The following ROBO1 variants were observed in gnomAD, a reference collection of about 807,000 sequenced individuals.
The protein encoded by ROBO1 is roundabout guidance receptor 1.
A neutral mutation model predicts 195.9 loss-of-function variants in ROBO1; 149 were observed. That is an observed-to-expected ratio of 0.76 (90% CI 0.67 to 0.87). The LOEUF (loss-of-function observed/expected upper bound fraction) is 0.87. ROBO1 is among the 40% of genes least tolerant of loss of function. ROBO1 has a pLI of 0.00. For missense variants in ROBO1, 1,933 were observed against 2,068.3 expected (o/e 0.93, Z 1.27); for synonymous variants, 816 against 733.2 (o/e 1.11, Z -1.82).
At chr3:79,168,251 C>T (rs1282482734) in intron 2 of ROBO1, among the ~76,000 whole-genome samples, 2 of 152,104 alleles carry the variant, frequency 1.3e-5, no homozygotes, top group Non-Finnish European at 2.9e-5. Flanking sequence ...CTTTAGTCAT[C>T]GCCCTGCTAA....
intron 2 of ROBO1, among the ~76,000 whole-genome samples, chr3:79,237,661 A>C (rs891710017): frequency 6.6e-6 from 1 of 152,164 alleles, no homozygotes. Context: ...CGGTCACTCT[A>C]TCCGAGTCAT....
At chr3:79,532,426 T>C (rs1356928478) in intron 2 of ROBO1, among the ~76,000 whole-genome samples, 1 of 152,150 alleles carries the variant, frequency 6.6e-6, no homozygotes, top group Admixed American at 6.5e-5. Flanking sequence ...AAATTTAAAT[T>C]CAATTATGAA....
At chr3:79,590,522 T>C (rs1207150903) in intron 1 of ROBO1, among the ~76,000 whole-genome samples, 1 of 151,782 alleles carries the variant, frequency 6.6e-6, no homozygotes, top group African/African-American at 2.4e-5. Flanking sequence ...GCTAGTGTCC[T>C]TGTAAAAAAA....
At chr3:79,624,286 CA>C (rs1477655158) in intron 1 of ROBO1, among the ~76,000 whole-genome samples, 1 of 152,094 alleles carries the variant, frequency 6.6e-6, no homozygotes, top group East Asian at 1.9e-4. Context: ...GAAACGGCAT[CA>C]ACTAATGTGC....
chr3:79,199,844 T>C (rs1309155420), intron 2 of ROBO1, among the ~76,000 whole-genome samples: 2 of 151,824 alleles, frequency 1.3e-5, no homozygotes, highest in African/African-American at 2.4e-5. Flanking sequence ...AACTTTTTTA[T>C]GGCGATGGTA....
chr3:79,646,467 T>C (rs1174859629), intron 1 of ROBO1, among the ~76,000 whole-genome samples: 4 of 152,056 alleles, frequency 2.6e-5, no homozygotes, highest in East Asian at 3.9e-4. Context: ...GGAATGTAAA[T>C]TAGAACAATT....
At position 79,710,615 on chromosome 3, in the gene ROBO1, T is replaced by C. The variant is rs916697557; in HGVS notation, c.-51+57137A>G. Among the ~76,000 whole-genome samples the C allele has an allele frequency of 5.3e-5, 8 of 152,148 alleles. No individual in the cohort carries two copies. In the East Asian group the frequency reaches 1.4e-3, roughly 26 times the overall value. ...CCCTGAAGGAAGGTTTGAGACAGCA[T>C]AATAATGTGCAAGGCAATTGGTAAG... On this transcript the variant is annotated intron_variant, in intron 1 of 30. Transcript: ENST00000464233.
At chr3:79,297,983 A>T (rs1317390825) in intron 2 of ROBO1, among the ~76,000 whole-genome samples, 1 of 152,096 alleles carries the variant, frequency 6.6e-6, no homozygotes, top group East Asian at 1.9e-4. Flanking sequence ...CTCTTTTCTA[A>T]AGAGAAAGTT....
At chr3:79,646,088 G>A (rs112922203) in intron 1 of ROBO1, among the ~76,000 whole-genome samples, 2 of 152,130 alleles carry the variant, frequency 1.3e-5, no homozygotes, top group African/African-American at 4.8e-5. Context: ...ATGGCATTAT[G>A]TCAAGCTAAA....
intron 2 of ROBO1, among the ~76,000 whole-genome samples, chr3:79,580,730 G>A (rs559529176): frequency 2.6e-5 from 4 of 151,886 alleles, no homozygotes; most frequent in Non-Finnish European, 4.4e-5. Context: ...ATGTATTTAC[G>A]TAAGTATGTG....
chr3:78,670,256 T>G lies in ROBO1; in HGVS notation c.1388A>C (p.Asn463Thr). 1 of 1,588,754 alleles carries G rather than the reference T, an allele frequency of 6.3e-7. No homozygotes were observed. The highest frequency in any genetic ancestry group is 1.1e-5 in the South Asian group (1 of 87,852). The change falls in exon 11 of 31, where the codon AAT (asparagine) becomes ACT (threonine). Residue 463 changes from asparagine (N) to threonine (T), a missense_variant. Coordinates refer to ENST00000464233, the MANE Select transcript of ROBO1 (RefSeq NM_002941.4). ...AGTGCCATCCACGGCTACAGTCTGA[T>G]TCACAGGACCTTGTCGAATAACTGG... ...PPPVIRQGPV[N>T]QTVAVDGTFV...
intron 4 of ROBO1, among the ~76,000 whole-genome samples, chr3:78,792,947 A>T (rs2084067822): frequency 2.0e-5 from 3 of 151,892 alleles, no homozygotes; most frequent in Admixed American, 2.0e-4. Flanking sequence ...TAAAAATAAA[A>T]TCAAATAAAT....
At chr3:79,375,187 T>C (rs1038112659) in intron 2 of ROBO1, among the ~76,000 whole-genome samples, 2 of 152,128 alleles carry the variant, frequency 1.3e-5, no homozygotes, top group Non-Finnish European at 2.9e-5. Flanking sequence ...TATTTGGAGA[T>C]TCATAAGAAA....
intron 2 of ROBO1, among the ~76,000 whole-genome samples, chr3:79,259,231 G>A (rs191744073): frequency 2.0e-5 from 3 of 152,126 alleles, no homozygotes; most frequent in African/African-American, 7.2e-5. Flanking sequence ...AGCAACTTCC[G>A]CCTCCCGAGC....
intron 3 of ROBO1, among the ~76,000 whole-genome samples, chr3:79,030,254 G>T (rs2108300036): frequency 6.6e-6 from 1 of 152,284 alleles, no homozygotes; most frequent in East Asian, 1.9e-4. Context: ...GACATTTGTG[G>T]TTGTCACAGC....
At chr3:79,299,385 G>A (rs2032769104) in intron 2 of ROBO1, among the ~76,000 whole-genome samples, 1 of 152,104 alleles carries the variant, frequency 6.6e-6, no homozygotes, top group Non-Finnish European at 1.5e-5. Context: ...GTGGCTTATT[G>A]GGAACTATGA....
intron 2 of ROBO1, among the ~76,000 whole-genome samples, chr3:79,391,909 C>T (rs2036965646): frequency 1.3e-5 from 2 of 152,258 alleles, no homozygotes; most frequent in East Asian, 3.9e-4. Context: ...GACAAATCTA[C>T]AAGTATCACT....
chr3:79,597,199 G>T (rs997220580), intron 1 of ROBO1, among the ~76,000 whole-genome samples: 1 of 151,656 alleles, frequency 6.6e-6, no homozygotes, highest in East Asian at 2.0e-4. Flanking sequence ...TAGATAATAC[G>T]GTGTGTATAA....
chr3:79,653,502 A>G (rs1946073600), intron 1 of ROBO1, among the ~76,000 whole-genome samples: 1 of 151,960 alleles, frequency 6.6e-6, no homozygotes, highest in Admixed American at 6.6e-5. Flanking sequence ...TATTGATGTA[A>G]ATGGTCATTG....
Sources: allele counts gnomAD v4.1 joint callset (sites outside exome capture counted in the v4.1 genomes callset), GRCh38; gene constraint gnomAD v4.1.1; transcripts MANE v1.5; gene names NCBI Gene and HGNC (gene_info 2026-07-23, HGNC 2026-07-21).